STX8: variants seen among roughly 807,000 people sequenced by gnomAD.
The protein encoded by STX8 is syntaxin-8.
In STX8, 23 loss-of-function variants were observed where a neutral mutation model predicts 37.5. The observed-to-expected ratio is 0.61, with a 90% CI of 0.44 to 0.87. The LOEUF is 0.87. Among genes scored for constraint, STX8 ranks in the 40% least tolerant of loss-of-function variants. The probability of loss-of-function intolerance (pLI) is 0.00; values close to 1 mark genes in which losing one functional copy is unlikely to be tolerated. For synonymous variants in STX8, 115 were observed against 99.1 expected, an observed-to-expected ratio of 1.16 and a Z score of -0.95; for missense variants, 313 against 284.7, an observed-to-expected ratio of 1.10 and a Z score of -0.71.
At chr17:9,482,077 C>A (rs1906372849) in intron 6 of STX8, among the ~76,000 whole-genome samples, 1 of 152,144 alleles carries the variant, frequency 6.6e-6, no homozygotes, top group Non-Finnish European at 1.5e-5. Flanking sequence ...GAGGCTCAGG[C>A]AGGAGGATGG....
chr17:9,372,836 G>A (rs1461382039), intron 7 of STX8, among the ~76,000 whole-genome samples: 1 of 147,700 alleles, frequency 6.8e-6, no homozygotes, highest in Non-Finnish European at 1.5e-5. Flanking sequence ...AGGCGCGGTG[G>A]CTCACGCCTG....
chr17:9,519,861 A>C, intron 4 of STX8, among the ~76,000 whole-genome samples: 1 of 150,052 alleles, frequency 6.7e-6, no homozygotes, highest in East Asian at 2.0e-4. Context: ...GTTCAACTCA[A>C]ATGTCAATTC....
At chr17:9,287,994 C>T (rs1042051482) in intron 7 of STX8, among the ~76,000 whole-genome samples, 14 of 150,178 alleles carry the variant, frequency 9.3e-5, no homozygotes, top group East Asian at 2.0e-4. Flanking sequence ...GTGATCCACC[C>T]GCCTCGGCTT....
intron 6 of STX8, among the ~76,000 whole-genome samples, chr17:9,410,816 CATT>C (rs745352334): frequency 4.3e-4 from 65 of 152,112 alleles, no homozygotes; most frequent in Middle Eastern, 3.2e-3. Context: ...TGTTTAAAAA[CATT>C]ATCATGAAAT....
intron 6 of STX8, among the ~76,000 whole-genome samples, chr17:9,479,140 A>G (rs1906212799): frequency 6.6e-6 from 1 of 152,138 alleles, no homozygotes; most frequent in African/African-American, 2.4e-5. Context: ...CCCCTTGCCA[A>G]TATGGCTATT....
At chr17:9,308,687 C>T (rs1909087124) in intron 7 of STX8, among the ~76,000 whole-genome samples, 1 of 140,614 alleles carries the variant, frequency 7.1e-6, no homozygotes, top group Non-Finnish European at 1.5e-5. Context: ...CGTGCCATAG[C>T]ACTCTAGCCT....
chr17:9,306,763 T>TCAAACAAA (rs923849658), intron 7 of STX8, among the ~76,000 whole-genome samples: 2 of 151,192 alleles, frequency 1.3e-5, no homozygotes, highest in African/African-American at 2.4e-5. Flanking sequence ...AGACTCTGTC[T>TCAAACAAA]CAAACAAACA....
chr17:9,353,727 G>A (rs914261973), intron 7 of STX8, among the ~76,000 whole-genome samples: 1 of 152,072 alleles, frequency 6.6e-6, no homozygotes, highest in Non-Finnish European at 1.5e-5. Flanking sequence ...CCAACTAAGG[G>A]TGCGTAAAGT....
intron 7 of STX8, among the ~76,000 whole-genome samples, chr17:9,333,678 G>A (rs78084979): frequency 2.6e-5 from 4 of 152,178 alleles, no homozygotes; most frequent in East Asian, 1.9e-4. Flanking sequence ...CGTGAGCCAC[G>A]GCGCCTGGCC....
At chr17:9,523,618 C>T (rs933893326) in intron 4 of STX8, among the ~76,000 whole-genome samples, 1 of 152,152 alleles carries the variant, frequency 6.6e-6, no homozygotes, top group African/African-American at 2.4e-5. Context: ...TTTAGGCATT[C>T]GGCATACCTA....
intron 6 of STX8, among the ~76,000 whole-genome samples, chr17:9,473,163 CCCA>C (rs1250903782): frequency 6.6e-6 from 1 of 151,918 alleles, no homozygotes; most frequent in Non-Finnish European, 1.5e-5. Context: ...ACTACAGGTG[CCCA>C]CCACCACACC....
chr17:9,472,079 T>C (rs1473940866), intron 6 of STX8, among the ~76,000 whole-genome samples: 1 of 151,974 alleles, frequency 6.6e-6, no homozygotes, highest in Non-Finnish European at 1.5e-5. Context: ...CCTTTTTTTT[T>C]TTTTTTTCAA....
chr17:9,351,674 G>A (rs1310180582), intron 7 of STX8, among the ~76,000 whole-genome samples: 1 of 152,032 alleles, frequency 6.6e-6, no homozygotes, highest in Non-Finnish European at 1.5e-5. Flanking sequence ...GTATTTAGTT[G>A]TCATATTTCT....
At chr17:9,366,682 C>T (rs555383070) in intron 7 of STX8, among the ~76,000 whole-genome samples, 2 of 152,196 alleles carry the variant, frequency 1.3e-5, no homozygotes, top group East Asian at 3.9e-4. Flanking sequence ...CAAGAGTTGC[C>T]CCAAATGCCC....
At chr17:9,489,265 A>G (rs910394043) in intron 6 of STX8, among the ~76,000 whole-genome samples, 16 of 152,164 alleles carry the variant, frequency 1.1e-4, no homozygotes, top group African/African-American at 3.6e-4. Flanking sequence ...AGCTAATTTT[A>G]AAAATCAAAT....
intron 4 of STX8, among the ~76,000 whole-genome samples, chr17:9,542,526 A>C (rs896533422): frequency 4.0e-5 from 6 of 150,026 alleles, no homozygotes; most frequent in African/African-American, 1.5e-4. Context: ...AAATACAAAA[A>C]ATTAGCCGGG....
Position 9,453,063 on chromosome 17 carries a change from C to T in STX8, c.541+38766G>A, listed in dbSNP as rs558927157. On this transcript the variant is annotated intron_variant, in intron 6 of 7. Coordinates refer to ENST00000306357, the MANE Select transcript of STX8 (RefSeq NM_004853.3). ...TCAACTGATCTGCCCGCCTCGGCCT[C>T]CCAAAGTGCTGGGATTACAGGCGTG... Among the ~76,000 whole-genome samples, 12 of 152,276 alleles carry T rather than the reference C, an allele frequency of 7.9e-5. No homozygotes were observed. The South Asian group carries it at 2.5e-3, about 32-fold the overall frequency.
At chr17:9,556,750 A>AATATATAT (rs575240217) in intron 3 of STX8, 25 of 99,528 alleles carry the variant, frequency 2.5e-4, no homozygotes, top group African/African-American at 8.2e-4. Flanking sequence ...GAATTTCTAA[A>AATATATAT]ATATATATAT....
At chr17:9,418,843 G>T (rs868342012) in intron 6 of STX8, among the ~76,000 whole-genome samples, 4 of 145,620 alleles carry the variant, frequency 2.7e-5, no homozygotes, top group Non-Finnish European at 3.0e-5. Flanking sequence ...AAAAAAAGGG[G>T]GGGGGGAAGG....
Sources: allele counts gnomAD v4.1 joint callset (sites outside exome capture counted in the v4.1 genomes callset), GRCh38; gene constraint gnomAD v4.1.1; transcripts MANE v1.5; gene names NCBI Gene and HGNC (gene_info 2026-07-23, HGNC 2026-07-21).